IGF2BP3: variants seen among roughly 807,000 people sequenced by gnomAD.
IGF2BP3 encodes insulin-like growth factor 2 mRNA-binding protein 3.
A neutral mutation model predicts 73.8 loss-of-function variants in IGF2BP3; 9 were observed. That is an observed-to-expected ratio of 0.12 (90% CI 0.07 to 0.21). IGF2BP3 has a LOEUF of 0.21. Among genes scored for constraint, IGF2BP3 ranks in the 10% least tolerant of loss-of-function variants. The probability of loss-of-function intolerance (pLI) is 1.00; values close to 1 mark genes in which losing one functional copy is unlikely to be tolerated. For synonymous variants in IGF2BP3, 258 were observed against 256.7 expected (o/e 1.01, Z -0.05); for missense variants, 542 against 714.0 (o/e 0.76, Z 2.75).
At chr7:23,392,527 TACACACAC>T (rs368379331) in intron 3 of IGF2BP3, among the ~76,000 whole-genome samples, 2 of 149,142 alleles carry the variant, frequency 1.3e-5, no homozygotes, top group South Asian at 4.3e-4. Flanking sequence ...CACACACACA[TACACACAC>T]ACACACAAAT....
chr7:23,313,897 T>A (rs1160649156), intron 12 of IGF2BP3, among the ~76,000 whole-genome samples: 1 of 152,238 alleles, frequency 6.6e-6, no homozygotes, highest in Non-Finnish European at 1.5e-5. Context: ...CATATTCTTC[T>A]GATGAAAACA....
intron 10 of IGF2BP3, among the ~76,000 whole-genome samples, chr7:23,324,756 G>C (rs1305849655): frequency 4.8e-5 from 5 of 105,190 alleles, no homozygotes; most frequent in African/African-American, 8.4e-5. Context: ...GGGATGCAAG[G>C]CTGGTTCAAT....
intron 10 of IGF2BP3, among the ~76,000 whole-genome samples, chr7:23,340,872 C>CA (rs1437706161): frequency 7.1e-6 from 1 of 141,018 alleles, no homozygotes; most frequent in Non-Finnish European, 1.5e-5. Flanking sequence ...TTTTCCCAGA[C>CA]AGAGTTTCGC....
chr7:23,449,490 C>G (rs1218638805), intron 2 of IGF2BP3, among the ~76,000 whole-genome samples: 1 of 151,464 alleles, frequency 6.6e-6, no homozygotes, highest in Non-Finnish European at 1.5e-5. Flanking sequence ...GCACTCCAGC[C>G]TGGGACACAG....
intron 2 of IGF2BP3, among the ~76,000 whole-genome samples, chr7:23,433,023 C>A (rs1419878942): frequency 1.3e-5 from 2 of 152,182 alleles, no homozygotes; most frequent in Non-Finnish European, 2.9e-5. Context: ...ATAAAAGCCT[C>A]ACTGCCTGTA....
At chr7:23,460,903 A>T (rs1329768666) in intron 2 of IGF2BP3, among the ~76,000 whole-genome samples, 2 of 152,216 alleles carry the variant, frequency 1.3e-5, no homozygotes, top group Non-Finnish European at 2.9e-5. Context: ...GTGAGCCAAG[A>T]TCGCACCACT....
chr7:23,451,006 C>T (rs1037107582), intron 2 of IGF2BP3, among the ~76,000 whole-genome samples: 5 of 152,178 alleles, frequency 3.3e-5, no homozygotes, highest in Admixed American at 6.5e-5. Flanking sequence ...GGATTTTCCT[C>T]ATATACTTCA....
At chr7:23,361,312 T>C (rs994819791) in intron 5 of IGF2BP3, 7 of 468,622 alleles carry the variant, frequency 1.5e-5, no homozygotes, top group African/African-American at 9.9e-5. Context: ...CACTCTATTA[T>C]TGGCATTAAA....
intron 3 of IGF2BP3, among the ~76,000 whole-genome samples, chr7:23,362,250 A>C (rs1430819573): frequency 1.3e-5 from 2 of 151,874 alleles, no homozygotes; most frequent in Non-Finnish European, 2.9e-5. Context: ...CCCATCTCTA[A>C]AAAATAAAGT....
chr7:23,336,812 G>A (rs529312983), intron 10 of IGF2BP3, among the ~76,000 whole-genome samples: 1 of 152,296 alleles, frequency 6.6e-6, no homozygotes, highest in East Asian at 1.9e-4. Flanking sequence ...ACCAGGCATG[G>A]TGCTGCGCAC....
At chr7:23,336,184 T>C (rs1429375707) in intron 10 of IGF2BP3, among the ~76,000 whole-genome samples, 1 of 146,162 alleles carries the variant, frequency 6.8e-6, no homozygotes, top group Non-Finnish European at 1.5e-5. Context: ...AAGTAGTATA[T>C]ATTAAAAAAA....
At chr7:23,331,816 T>A (rs1218834453) in intron 10 of IGF2BP3, among the ~76,000 whole-genome samples, 2 of 146,000 alleles carry the variant, frequency 1.4e-5, no homozygotes, top group Non-Finnish European at 3.0e-5. Context: ...GCTGAGATTG[T>A]GCCACTGCAC....
In IGF2BP3 at chr7:23,442,408, G is replaced by GTT. The variant is rs56817921; in HGVS notation, c.237-23586_237-23585dup. The stretch of plus-strand genomic sequence containing the variant: ...TAGAATAACATTCCATTTTTGTTTT[G>GTT]TTTTTTTTAGATGGAGACTTGCTCT... On this transcript the variant is annotated intron_variant, in intron 2 of 14. Coordinates refer to ENST00000258729, the MANE Select transcript of IGF2BP3 (RefSeq NM_006547.3). 6.6e-3 allele frequency among the ~76,000 whole-genome samples: 994 copies of GTT among 151,610 alleles called. 14 individuals are homozygous for GTT. The highest frequency in any genetic ancestry group is 0.021 in the African/African-American group (879 of 41,324).
intron 3 of IGF2BP3, among the ~76,000 whole-genome samples, chr7:23,367,726 C>T (rs377740031): frequency 2.0e-5 from 3 of 152,036 alleles, no homozygotes; most frequent in Non-Finnish European, 4.4e-5. Context: ...CACGGCTGGG[C>T]GCGGTGGCTC....
intron 7 of IGF2BP3, among the ~76,000 whole-genome samples, chr7:23,346,495 T>C (rs184022661): frequency 2.1e-4 from 32 of 152,344 alleles, no homozygotes; most frequent in African/African-American, 7.7e-4. Flanking sequence ...AGGGGAGCTT[T>C]CACTTTTCAT....
chr7:23,312,401 C>G lies in IGF2BP3; in HGVS notation c.1701G>C (p.Lys567Asn). The stretch of plus-strand genomic sequence containing the variant: ...ACTGAGGTGGTCCACTTTGCAGAGC[C>G]TTCTGTTGTTGGTGCTGCTTTACCT... ...LTQVKQHQQQKALQSGPPQSR... is the reference protein window; with the variant it reads ...LTQVKQHQQQNALQSGPPQSR... Residue 567 changes from lysine (K) to asparagine (N), a missense_variant, in exon 15 of 15, where the codon AAG (lysine) becomes AAC (asparagine). Transcript: ENST00000258729. 6.2e-7 allele frequency: 1 copy of G among 1,613,616 alleles called. No individual in the cohort carries two copies. Among genetic ancestry groups the G allele is most frequent in the Non-Finnish European group, 8.5e-7 (1 of 1,179,970 alleles).
At position 23,317,678 on chromosome 7, in the gene IGF2BP3, C is replaced by A; in HGVS notation, c.1356G>T (p.Arg452Ser). Residue 452 changes from arginine to serine, a missense_variant, in exon 12 of 15, where the codon AGG becomes AGT. Coordinates refer to ENST00000258729, the MANE Select transcript of IGF2BP3 (RefSeq NM_006547.3). Reference sequence around the variant, plus strand: ...CTGGTGGTCCAGTGATAATCACCATCCTCACTTTAGCATCTGGTGCTTCCG... The same window carrying A: ...CTGGTGGTCCAGTGATAATCACCATACTCACTTTAGCATCTGGTGCTTCCG... ...APAEAPDAKV[R>S]MVIITGPPEA... is the part of the protein sequence containing the mutation. 1 of 1,614,138 alleles carries A rather than the reference C, an allele frequency of 6.2e-7. No individual in the cohort carries two copies. Among genetic ancestry groups the A allele is most frequent in the Non-Finnish European group, 8.5e-7 (1 of 1,179,954 alleles).
At chr7:23,383,292 CAAAT>C (rs1428267658) in intron 3 of IGF2BP3, among the ~76,000 whole-genome samples, 1 of 152,118 alleles carries the variant, frequency 6.6e-6, no homozygotes. Flanking sequence ...GTAATAAAGA[CAAAT>C]AATCCATTAA....
In IGF2BP3 at chr7:23,361,329, T is replaced by C. The variant is rs552909202; in HGVS notation, c.401+205A>G. 23 of 516,094 alleles carry C rather than the reference T, an allele frequency of 4.5e-5. No individual in the cohort carries two copies. The East Asian group carries it at 5.0e-4, about 11-fold the overall frequency. 32.0% of individuals were successfully genotyped at this position (516,094 alleles called of 1,614,324 possible). ...CTCTATTATTGGCATTAAAGATATATTGAAAATGTAATACAACTTTAACCA... is the reference window on the plus strand; with the variant it reads ...CTCTATTATTGGCATTAAAGATATACTGAAAATGTAATACAACTTTAACCA... On this transcript the variant is annotated intron_variant, in intron 5 of 14. Coordinates refer to ENST00000258729, the MANE Select transcript of IGF2BP3 (RefSeq NM_006547.3).
Sources: allele counts gnomAD v4.1 joint callset (sites outside exome capture counted in the v4.1 genomes callset), GRCh38; gene constraint gnomAD v4.1.1; transcripts MANE v1.5; gene names NCBI Gene and HGNC (gene_info 2026-07-23, HGNC 2026-07-21).